PCDHA12: variants seen among roughly 807,000 people sequenced by gnomAD.
PCDHA12 encodes protocadherin alpha-12.
In PCDHA12, 44 loss-of-function variants were observed where a neutral mutation model predicts 60.0. That is an observed-to-expected ratio of 0.73 (90% CI 0.58 to 0.94). PCDHA12 has a LOEUF of 0.94. Ranked by LOEUF, PCDHA12 falls within the 40% of genes least tolerant of loss-of-function variation. The pLI is 0.00. For synonymous variants in PCDHA12, 569 were observed against 553.0 expected (o/e 1.03, Z -0.40); for missense variants, 1,276 against 1,239.7 (o/e 1.03, Z -0.44).
intron 1 of PCDHA12, among the ~76,000 whole-genome samples, chr5:140,922,126 G>A (rs1206223275): frequency 1.3e-5 from 2 of 151,970 alleles, no homozygotes; most frequent in Non-Finnish European, 2.9e-5. Flanking sequence ...ACCTTTAAAT[G>A]TCTCTTATCC....
In PCDHA12 at chr5:141,009,991, T is replaced by G. The variant is rs929729966; in HGVS notation, c.*54T>G. Reference sequence around the variant, plus strand: ...CCAGTTTTTGTAATAATGGCAAATCTCTCCCATGTAGCAATTCCCTGCTCC... The same window carrying G: ...CCAGTTTTTGTAATAATGGCAAATCGCTCCCATGTAGCAATTCCCTGCTCC... On this transcript the variant is annotated 3_prime_UTR_variant, in exon 4 of 4. Coordinates refer to ENST00000398631, the MANE Select transcript of PCDHA12 (RefSeq NM_018903.4). 13 of 1,578,088 alleles carry G rather than the reference T, an allele frequency of 8.2e-6. No individual in the cohort carries two copies. In the East Asian group the frequency reaches 2.5e-4, roughly 30 times the overall value.
At chr5:140,882,407 C>A (rs368121978) in intron 1 of PCDHA12, 48 of 1,614,006 alleles carry the variant, frequency 3.0e-5, no homozygotes, top group Non-Finnish European at 1.3e-5. Flanking sequence ...CTTCGTGGGC[C>A]GCATCGCTCA....
At chr5:140,928,685 A>G (rs899513448) in intron 1 of PCDHA12, 36 of 1,614,050 alleles carry the variant, frequency 2.2e-5, no homozygotes, top group Non-Finnish European at 3.1e-5. Context: ...TGGCTTTCCT[A>G]CCACATCTCC....
In PCDHA12 at chr5:140,875,643, G is replaced by A; in HGVS notation, c.171G>A (p.Ala57=). The change falls in exon 1 of 4, where the codon GCG becomes GCA. Residue 57 remains alanine, a synonymous_variant. Transcript: ENST00000398631. Reference sequence around the variant, plus strand: ...CTCAGGACCTGGGGCTGGAGCTGGCGGAGCTGGTGCCGCGCCTGTTCCGGG... The same window carrying A: ...CTCAGGACCTGGGGCTGGAGCTGGCAGAGCTGGTGCCGCGCCTGTTCCGGG... ...RIAQDLGLEL[A]ELVPRLFRVA... 6.2e-7 allele frequency: 1 copy of A among 1,613,696 alleles called. No individual in the cohort carries two copies. The highest frequency in any genetic ancestry group is 8.5e-7 in the Non-Finnish European group (1 of 1,180,010).
At chr5:141,004,080 A>G (rs1554259443) in intron 3 of PCDHA12, among the ~76,000 whole-genome samples, 1 of 152,198 alleles carries the variant, frequency 6.6e-6, no homozygotes, top group Non-Finnish European at 1.5e-5. Context: ...TAGGGGTAGA[A>G]ATGTGCTTCT....
At chr5:140,924,895 AAAAAAAAAAAT>A (rs1321698386) in intron 1 of PCDHA12, among the ~76,000 whole-genome samples, 1,704 of 132,168 alleles carry the variant, frequency 0.013, 31 homozygotes, top group African/African-American at 0.056. Flanking sequence ...AACCTGTCTC[AAAAAAAAAAAT>A]AAAATAAAAT....
At chr5:140,934,684 A>G (rs1026507859) in intron 1 of PCDHA12, among the ~76,000 whole-genome samples, 1 of 152,178 alleles carries the variant, frequency 6.6e-6, no homozygotes, top group African/African-American at 2.4e-5. Context: ...TATTCAAAAC[A>G]ATGAATTGAT....
intron 1 of PCDHA12, among the ~76,000 whole-genome samples, chr5:140,879,282 A>T (rs1554170732): frequency 1.3e-5 from 2 of 152,238 alleles, no homozygotes; most frequent in Non-Finnish European, 2.9e-5. Context: ...ACTCAATACA[A>T]ATGATAAGAG....
At chr5:140,933,047 A>G (rs1482395906) in intron 1 of PCDHA12, among the ~76,000 whole-genome samples, 2 of 152,030 alleles carry the variant, frequency 1.3e-5, no homozygotes, top group Non-Finnish European at 1.5e-5. Flanking sequence ...TATGGATTAC[A>G]GTCCAGGATC....
At position 141,011,014 on chromosome 5, in the gene PCDHA12, C is replaced by T. The variant is rs2098419102; in HGVS notation, c.*1077C>T. On this transcript the variant is annotated 3_prime_UTR_variant, in exon 4 of 4. Coordinates refer to ENST00000398631, the MANE Select transcript of PCDHA12 (RefSeq NM_018903.4). ...CATCTGTATTATATCGGCCACCTGC[C>T]AATCACAGCTTTACTCTTTCAGGTC... 6.5e-6 allele frequency: 1 copy of T among 153,758 alleles called. No individual in the cohort carries two copies. Among genetic ancestry groups the T allele is most frequent in the Admixed American group, 6.5e-5 (1 of 15,286 alleles). 9.5% of individuals were successfully genotyped at this position (153,758 alleles called of 1,614,324 possible).
At chr5:140,916,377 C>T (rs1436518298) in intron 1 of PCDHA12, among the ~76,000 whole-genome samples, 4 of 152,092 alleles carry the variant, frequency 2.6e-5, no homozygotes, top group African/African-American at 9.7e-5. Flanking sequence ...CTGTAGCCAC[C>T]ACAACTAGGA....
chr5:140,882,209 A>T, intron 1 of PCDHA12: 1 of 1,531,724 alleles, frequency 6.5e-7, no homozygotes, highest in Non-Finnish European at 8.8e-7. Context: ...GCCTTGAGAG[A>T]CAGTTTGAGG....
At chr5:140,984,254 G>A (rs553931247) in intron 3 of PCDHA12, among the ~76,000 whole-genome samples, 1 of 152,278 alleles carries the variant, frequency 6.6e-6, no homozygotes, top group East Asian at 1.9e-4. Flanking sequence ...GACCTGGTAA[G>A]CCACAAACTA....
chr5:140,986,461 C>T (rs1554248079), intron 3 of PCDHA12, among the ~76,000 whole-genome samples: 1 of 152,154 alleles, frequency 6.6e-6, no homozygotes. Context: ...TTAATGAATG[C>T]CCTCTTGTGA....
At chr5:140,922,888 C>A (rs1584282377) in intron 1 of PCDHA12, among the ~76,000 whole-genome samples, 1 of 152,236 alleles carries the variant, frequency 6.6e-6, no homozygotes, top group South Asian at 2.1e-4. Flanking sequence ...AGACATCATT[C>A]AAGAAAAAAT....
At position 141,010,262 on chromosome 5, in the gene PCDHA12, C is replaced by A; in HGVS notation, c.*325C>A. 4 of 1,551,728 alleles carry A rather than the reference C, an allele frequency of 2.6e-6. No homozygotes were observed. Among genetic ancestry groups the A allele is most frequent in the Non-Finnish European group, 3.5e-6 (4 of 1,146,994 alleles). On this transcript the variant is annotated 3_prime_UTR_variant, in exon 4 of 4. Transcript: ENST00000398631. ...GAGGTTGGACTCTCTGCCCTGTGCT[C>A]CGGGGATCCTGTCTTGATGACACTT...
intron 1 of PCDHA12, chr5:140,927,831 G>T: frequency 6.2e-7 from 1 of 1,614,186 alleles, no homozygotes; most frequent in Non-Finnish European, 8.5e-7. Flanking sequence ...TTGAGGCGAG[G>T]GACGAAGGTG....
chr5:140,881,279 G>A, intron 1 of PCDHA12: 2 of 760,202 alleles, frequency 2.6e-6, no homozygotes, highest in South Asian at 6.0e-5. Flanking sequence ...GAAGTAAGAT[G>A]GAGAGAGAAA....
chr5:140,897,446 T>G (rs2066114237), intron 1 of PCDHA12, among the ~76,000 whole-genome samples: 1 of 151,576 alleles, frequency 6.6e-6, no homozygotes, highest in South Asian at 2.1e-4. Context: ...GTGTTTGGTT[T>G]TTTGTCCTTG....
Sources: allele counts gnomAD v4.1 joint callset (sites outside exome capture counted in the v4.1 genomes callset), GRCh38; gene constraint gnomAD v4.1.1; transcripts MANE v1.5; gene names NCBI Gene and HGNC (gene_info 2026-07-23, HGNC 2026-07-21).